The following ADGRB3 variants were observed in gnomAD, a reference collection of about 807,000 sequenced individuals.
ADGRB3 encodes the protein brain-specific angiogenesis inhibitor 3.
In ADGRB3, 37 loss-of-function variants were observed where a neutral mutation model predicts 193.4. That is an observed-to-expected ratio of 0.19 (90% CI 0.15 to 0.25). ADGRB3 has a LOEUF of 0.25. ADGRB3 is among the 10% of genes least tolerant of loss of function. The pLI is 1.00. For missense variants in ADGRB3, 1,637 were observed against 1,852.9 expected, an observed-to-expected ratio of 0.88 and a Z score of 2.14; for synonymous variants, 690 against 644.2, an observed-to-expected ratio of 1.07 and a Z score of -1.08.
chr6:69,017,429 A>C (rs1056016040), intron 12 of ADGRB3, among the ~76,000 whole-genome samples: 3 of 151,948 alleles, frequency 2.0e-5, no homozygotes, highest in Non-Finnish European at 4.4e-5. Context: ...TTCTGCTCTA[A>C]AGTGGTTATA....
At chr6:68,903,746 C>G (rs1766460616) in intron 3 of ADGRB3, among the ~76,000 whole-genome samples, 2 of 151,802 alleles carry the variant, frequency 1.3e-5, no homozygotes, top group South Asian at 4.1e-4. Flanking sequence ...AGTGGTCATG[C>G]CTGAAATCCC....
chr6:68,827,516 A>G (rs1036693675), intron 3 of ADGRB3, among the ~76,000 whole-genome samples: 1 of 152,034 alleles, frequency 6.6e-6, no homozygotes, highest in Non-Finnish European at 1.5e-5. Flanking sequence ...AACTGATAAT[A>G]TGGGAGAGAG....
intron 13 of ADGRB3, among the ~76,000 whole-genome samples, chr6:69,046,723 T>C (rs954150050): frequency 1.4e-4 from 21 of 152,228 alleles, no homozygotes; most frequent in African/African-American, 4.6e-4. Flanking sequence ...GATATACTAA[T>C]ACATAACCAA....
intron 20 of ADGRB3, among the ~76,000 whole-genome samples, chr6:69,289,696 A>G (rs1028855969): frequency 1.3e-4 from 20 of 152,250 alleles, no homozygotes; most frequent in South Asian, 1.0e-3. Context: ...TTCTGTTCCC[A>G]TAAACATCCT....
At chr6:69,160,932 G>T (rs1410483678) in intron 17 of ADGRB3, among the ~76,000 whole-genome samples, 1 of 152,100 alleles carries the variant, frequency 6.6e-6, no homozygotes, top group African/African-American at 2.4e-5. Context: ...TGTTCTGGGA[G>T]GCATGTGGCC....
chr6:69,032,221 C>T (rs577301984), intron 13 of ADGRB3, among the ~76,000 whole-genome samples: 6 of 152,190 alleles, frequency 3.9e-5, no homozygotes, highest in South Asian at 2.1e-4. Context: ...TTGTTATTTC[C>T]GAGATAAACT....
chr6:69,309,562 A>G (rs1017112832), intron 20 of ADGRB3, among the ~76,000 whole-genome samples: 1 of 151,682 alleles, frequency 6.6e-6, no homozygotes, highest in African/African-American at 2.4e-5. Flanking sequence ...ATTGAATAAG[A>G]TAGATAAGTA....
At position 68,779,467 on chromosome 6, in the gene ADGRB3, A is replaced by G. The variant is rs370145091; in HGVS notation, c.757+140035A>G. 3.2e-4 allele frequency among the ~76,000 whole-genome samples: 49 copies of G among 152,108 alleles called. No individual in the cohort carries two copies. In the South Asian group the frequency reaches 9.1e-3, roughly 28 times the overall value. ...TCTGGAAGCCCTGTTACAGACAGAGATTATGTAACCATTGCAGAAGACTTA... is the reference window on the plus strand; with the variant it reads ...TCTGGAAGCCCTGTTACAGACAGAGGTTATGTAACCATTGCAGAAGACTTA... On this transcript the variant is annotated intron_variant, in intron 3 of 31. Coordinates refer to ENST00000370598, the MANE Select transcript of ADGRB3 (RefSeq NM_001704.3).
chr6:68,911,014 G>C (rs1041596796), intron 3 of ADGRB3, among the ~76,000 whole-genome samples: 3 of 151,922 alleles, frequency 2.0e-5, no homozygotes, highest in African/African-American at 7.3e-5. Flanking sequence ...CCATTTTCAT[G>C]ATATTGATTC....
At chr6:68,697,742 A>G (rs1321229240) in intron 3 of ADGRB3, among the ~76,000 whole-genome samples, 2 of 151,880 alleles carry the variant, frequency 1.3e-5, no homozygotes, top group African/African-American at 2.4e-5. Context: ...CAAAACAGAC[A>G]CCTTTCTTTT....
chr6:69,214,905 C>A, intron 17 of ADGRB3, among the ~76,000 whole-genome samples: 1 of 151,898 alleles, frequency 6.6e-6, no homozygotes, highest in East Asian at 1.9e-4. Context: ...GGGATCAGAG[C>A]TAACATCATC....
rs370168997 is a variant in ADGRB3, at chr6:69,388,933, A to G, written c.*42A>G. The G allele has an allele frequency of 1.3e-6, 2 of 1,565,184 alleles. No individual in the cohort carries two copies. The highest frequency in any genetic ancestry group is 1.7e-6 in the Non-Finnish European group (2 of 1,152,090). On this transcript the variant is annotated 3_prime_UTR_variant, in exon 32 of 32. Transcript: ENST00000370598. ...TAAGGTAGAGACAAAACTTTATTGCACTGACACTTAAGACTTGGGAAGCCT... is the reference window on the plus strand; with the variant it reads ...TAAGGTAGAGACAAAACTTTATTGCGCTGACACTTAAGACTTGGGAAGCCT...
intron 20 of ADGRB3, among the ~76,000 whole-genome samples, chr6:69,295,677 C>G (rs1216835032): frequency 2.6e-5 from 4 of 152,146 alleles, no homozygotes; most frequent in Non-Finnish European, 4.4e-5. Context: ...ATGCAAACAC[C>G]AAGGGAGGAG....
chr6:68,767,061 C>A (rs902757933), intron 3 of ADGRB3, among the ~76,000 whole-genome samples: 6 of 151,950 alleles, frequency 3.9e-5, no homozygotes. Flanking sequence ...CTTTATAACT[C>A]CAGACTTCCA....
chr6:69,083,560 G>A (rs540094559), intron 17 of ADGRB3, among the ~76,000 whole-genome samples: 1 of 152,242 alleles, frequency 6.6e-6, no homozygotes, highest in Admixed American at 6.5e-5. Flanking sequence ...TATGTAATGT[G>A]TTAAAGGGTA....
intron 3 of ADGRB3, among the ~76,000 whole-genome samples, chr6:68,683,056 A>T (rs2127298896): frequency 6.6e-6 from 1 of 152,282 alleles, no homozygotes; most frequent in African/African-American, 2.4e-5. Context: ...AAGTGCTGGG[A>T]TTATAGGCAT....
chr6:69,259,931 C>G (rs1278622761), intron 20 of ADGRB3, among the ~76,000 whole-genome samples: 10 of 152,000 alleles, frequency 6.6e-5, no homozygotes, highest in Admixed American at 6.5e-4. Flanking sequence ...TTACAATTAA[C>G]AACAGGAGAA....
At chr6:68,676,459 T>A (rs1488129072) in intron 3 of ADGRB3, among the ~76,000 whole-genome samples, 2 of 151,980 alleles carry the variant, frequency 1.3e-5, no homozygotes, top group Non-Finnish European at 2.9e-5. Flanking sequence ...TTTGGTTGGT[T>A]GTTTCTTAAA....
At chr6:68,933,612 A>G (rs894230428) in intron 4 of ADGRB3, among the ~76,000 whole-genome samples, 4 of 152,222 alleles carry the variant, frequency 2.6e-5, no homozygotes, top group Non-Finnish European at 5.9e-5. Flanking sequence ...ATAAATGAAT[A>G]AATAAATAAA....
Sources: gnomAD v4.1 joint callset for allele counts (sites outside exome capture counted in the v4.1 genomes callset) on GRCh38, gnomAD v4.1.1 for gene constraint, MANE v1.5 for transcripts, NCBI Gene and HGNC (gene_info 2026-07-23, HGNC 2026-07-21) for gene names.